Variants in DOCK9 observed in about 807,000 individuals in gnomAD.
DOCK9 encodes dedicator of cytokinesis 9, also known as dedicator of cytokinesis protein 9.
Under a neutral mutation model 263.3 loss-of-function variants are expected in DOCK9, and 89 were observed. The observed-to-expected ratio is 0.34, with a 90% CI of 0.28 to 0.40. The LOEUF is 0.40. DOCK9 is among the 10% of genes least tolerant of loss of function. The pLI, the probability that DOCK9 is intolerant of heterozygous loss-of-function variation, is 1.00. For missense variants in DOCK9, 2,140 were observed against 2,603.4 expected (o/e 0.82, Z 3.87); for synonymous variants, 976 against 973.1 (o/e 1.00, Z -0.06).
At chr13:98,926,354 T>C (rs535179248) in intron 3 of DOCK9, among the ~76,000 whole-genome samples, 1 of 152,362 alleles carries the variant, frequency 6.6e-6, no homozygotes, top group East Asian at 1.9e-4. Flanking sequence ...TGTTAGTTAA[T>C]ATTACCATAT....
chr13:98,881,757 G>C, intron 24 of DOCK9, 130 bp from the exon 25 acceptor site: 3 of 1,231,320 alleles, frequency 2.4e-6, no homozygotes, highest in Non-Finnish European at 3.5e-6. Context: ...GAATTAGATG[G>C]GGTCCTTACA....
At chr13:98,950,869 ACCATCT>A (rs1001572771) in intron 2 of DOCK9, among the ~76,000 whole-genome samples, 1 of 152,226 alleles carries the variant, frequency 6.6e-6, no homozygotes, top group African/African-American at 2.4e-5. Flanking sequence ...CACCAACAGG[ACCATCT>A]GGTAAAAAGA....
chr13:99,049,360 C>T (rs557754160), intron 1 of DOCK9, among the ~76,000 whole-genome samples: 1 of 152,230 alleles, frequency 6.6e-6, no homozygotes, highest in African/African-American at 2.4e-5. Flanking sequence ...CATCGGGAGG[C>T]ATGGTGTGGC....
chr13:99,072,980 C>T (rs2041747477), intron 1 of DOCK9, among the ~76,000 whole-genome samples: 1 of 152,066 alleles, frequency 6.6e-6, no homozygotes, highest in Admixed American at 6.6e-5. Flanking sequence ...GCCTGGGTGA[C>T]AGACCCTGTC....
chr13:99,023,874 A>T (rs998785959), intron 1 of DOCK9, among the ~76,000 whole-genome samples: 1 of 152,222 alleles, frequency 6.6e-6, no homozygotes, highest in Non-Finnish European at 1.5e-5. Flanking sequence ...AAAACCTTCC[A>T]ACTATATAGC....
intron 7 of DOCK9, among the ~76,000 whole-genome samples, chr13:98,916,190 C>G (rs972791512): frequency 1.3e-5 from 2 of 152,232 alleles, no homozygotes. Context: ...CTCGGTACTA[C>G]TGACACTTGG....
At chr13:98,961,926 G>A (rs184867121) in intron 1 of DOCK9, among the ~76,000 whole-genome samples, 4 of 152,254 alleles carry the variant, frequency 2.6e-5, no homozygotes, top group East Asian at 3.9e-4. Flanking sequence ...ACTACTTGGC[G>A]GTATGTAAGA....
intron 1 of DOCK9, among the ~76,000 whole-genome samples, chr13:98,977,183 C>T (rs77257538): frequency 0.039 from 5,893 of 152,244 alleles, 375 homozygotes; most frequent in African/African-American, 0.13. Flanking sequence ...AAGCACTTGG[C>T]TTTAGACAAA....
upstream of DOCK9, among the ~76,000 whole-genome samples, chr13:99,087,051 CCCTCTGCGCCCGGGG>C (rs1221314215): frequency 2.0e-5 from 3 of 152,096 alleles, no homozygotes; most frequent in Non-Finnish European, 4.4e-5. Flanking sequence ...ACCACGCCCC[CCCTCTGCGCCCGGGG>C]CCTCTGCGGG....
At chr13:98,843,420 G>C (rs1255978064) in intron 38 of DOCK9, among the ~76,000 whole-genome samples, 1 of 152,168 alleles carries the variant, frequency 6.6e-6, no homozygotes, top group Non-Finnish European at 1.5e-5. Flanking sequence ...CCTTCTCTGT[G>C]TTTTTTGTCT....
chr13:98,793,757 T>C lies in DOCK9; in HGVS notation c.*869A>G, dbSNP rs553866133. ...TTTATAAACCTAATATAGTAAAGAC[T>C]GTATACATCTCCATATTGCACATTT... On this transcript the variant is annotated 3_prime_UTR_variant, in exon 53 of 53. Coordinates refer to ENST00000682017, the MANE Select transcript of DOCK9 (RefSeq NM_001366683.2). The C allele has an allele frequency of 1.3e-5, 2 of 152,786 alleles. No individual in the cohort carries two copies. The highest frequency in any genetic ancestry group is 4.1e-4 in the South Asian group (2 of 4,828). 9.5% of individuals were successfully genotyped at this position (152,786 alleles called of 1,614,324 possible). A position where few individuals can be genotyped will look rare whatever the true frequency, so the allele number is the denominator to read the frequency against.
intron 38 of DOCK9, among the ~76,000 whole-genome samples, chr13:98,839,806 T>C (rs987747231): frequency 1.3e-5 from 2 of 152,246 alleles, no homozygotes; most frequent in Non-Finnish European, 2.9e-5. Context: ...AATTAAGTTA[T>C]TATATAATTA....
intron 1 of DOCK9, among the ~76,000 whole-genome samples, chr13:98,977,476 C>T (rs1342987069): frequency 6.6e-6 from 1 of 152,158 alleles, no homozygotes; most frequent in Non-Finnish European, 1.5e-5. Context: ...TTAAAATATG[C>T]TTCCTGGGTT....
chr13:98,800,267 G>A (rs367862058), intron 50 of DOCK9, 21 bp downstream of exon 50: 25 of 1,571,606 alleles, frequency 1.6e-5, no homozygotes, highest in South Asian at 2.3e-5. Context: ...GCTGCCCTCC[G>A]GCCTGCTGTG....
intron 33 of DOCK9, chr13:98,858,988 C>T (rs1443964961): frequency 6.6e-6 from 1 of 152,244 alleles, no homozygotes; most frequent in Admixed American, 6.5e-5. Flanking sequence ...TTTGTATCAG[C>T]TCTTAATCCC....
At chr13:98,882,081 C>CAAACAAGGA in intron 23 of DOCK9, 74 bp from the exon 24 acceptor site, 1 of 1,242,116 alleles carries the variant, frequency 8.1e-7, no homozygotes. Flanking sequence ...TCCACTCTTC[C>CAAACAAGGA]AAACAAGGAT....
chr13:99,021,991 A>G (rs1282387737), intron 1 of DOCK9, among the ~76,000 whole-genome samples: 1 of 152,236 alleles, frequency 6.6e-6, no homozygotes, highest in East Asian at 1.9e-4. Context: ...AAGACTTTAA[A>G]TAATGGAAAT....
chr13:98,865,649 T>C (rs2094000103), intron 30 of DOCK9, among the ~76,000 whole-genome samples: 1 of 152,170 alleles, frequency 6.6e-6, no homozygotes, highest in South Asian at 2.1e-4. Context: ...CAGCACACAT[T>C]CACTACACAG....
At chr13:98,981,960 C>T (rs1877316812), upstream of DOCK9, among the ~76,000 whole-genome samples, 1 of 152,210 alleles carries the variant, frequency 6.6e-6, no homozygotes, top group African/African-American at 2.4e-5. Flanking sequence ...CTTTCACAAA[C>T]CTGCACTGAG....
Sources: gnomAD v4.1 joint callset for allele counts (sites outside exome capture counted in the v4.1 genomes callset) on GRCh38, gnomAD v4.1.1 for gene constraint, MANE v1.5 for transcripts, NCBI Gene and HGNC (gene_info 2026-07-23, HGNC 2026-07-21) for gene names.